APTX: variants seen among roughly 807,000 people sequenced by gnomAD.
The protein encoded by APTX is forkhead-associated domain histidine triad-like protein.
Under a neutral mutation model 42.3 loss-of-function variants are expected in APTX, and 33 were observed. The ratio of observed to expected loss-of-function variants is 0.78; its 90% confidence interval spans 0.59 to 1.04. The LOEUF (loss-of-function observed/expected upper bound fraction) is 1.04, where lower values mean the gene tolerates loss of function less well. APTX is among the 50% of genes least tolerant of loss of function. The pLI is 0.00. For synonymous variants in APTX, 130 were observed against 146.7 expected (o/e 0.89, Z 0.82); for missense variants, 421 against 415.1 (o/e 1.01, Z -0.12).
At chr9:32,994,245 A>T (rs2118976782) in intron 1 of APTX, among the ~76,000 whole-genome samples, 1 of 152,368 alleles carries the variant, frequency 6.6e-6, no homozygotes, top group East Asian at 1.9e-4. Context: ...TGTAGCTAGT[A>T]CAACAGAGAA....
chr9:32,972,902 G>A lies in APTX; in HGVS notation c.*596C>T, dbSNP rs1040449763. On this transcript the variant is annotated 3_prime_UTR_variant, in exon 8 of 8. Transcript: ENST00000379817. The stretch of plus-strand genomic sequence containing the variant: ...CTCCAACCCCCCACACCATCATCTA[G>A]CCTCTTTTCTCACTGTGAAGAACTG... The A allele has an allele frequency of 2.2e-6, 1 of 453,960 alleles. No homozygotes were observed. Among genetic ancestry groups the A allele is most frequent in the Non-Finnish European group, 4.4e-6 (1 of 226,784 alleles). The allele number at this position is 453,960 out of a possible 1,614,324, so 28.1% of individuals were successfully genotyped here. A position where few individuals can be genotyped will look rare whatever the true frequency, so the allele number is the denominator to read the frequency against.
intron 1 of APTX, among the ~76,000 whole-genome samples, chr9:33,020,536 A>C (rs1838289801): frequency 6.6e-6 from 1 of 152,234 alleles, no homozygotes; most frequent in Admixed American, 6.5e-5. Context: ...AAATGTAATC[A>C]AATCAGCTCT....
At chr9:33,022,970 G>T (rs997519754) in intron 1 of APTX, among the ~76,000 whole-genome samples, 2 of 152,082 alleles carry the variant, frequency 1.3e-5, no homozygotes, top group African/African-American at 4.8e-5. Context: ...CCAAGTAGCT[G>T]GGAGTACAGG....
Position 32,984,783 on chromosome 9 carries a change from C to A in APTX, c.618G>T (p.Pro206=), listed in dbSNP as rs140355580. ...PKARYHWLVL[P]WTSISSLKAV... ...CCTTCAGACTGGAAATGGAGGTCCA[C>A]GGTAAGACCAGCCAATGGTAACGGG... Residue 206 remains proline, a synonymous_variant, in exon 6 of 8, where the codon CCG becomes CCT. Transcript: ENST00000379817. 77 of 1,614,194 alleles carry A rather than the reference C, an allele frequency of 4.8e-5. No homozygotes were observed. In the African/African-American group the frequency reaches 8.7e-4, roughly 18 times the overall value.
intron 1 of APTX, among the ~76,000 whole-genome samples, chr9:33,015,693 C>T (rs1373386946): frequency 6.6e-6 from 1 of 152,120 alleles, no homozygotes; most frequent in Non-Finnish European, 1.5e-5. Context: ...CTGAGAATGC[C>T]ACAATACACC....
chr9:32,994,045 T>A (rs1032547195), intron 1 of APTX, among the ~76,000 whole-genome samples: 25 of 152,126 alleles, frequency 1.6e-4, no homozygotes, highest in Admixed American at 6.5e-5. Context: ...ATTCTAGAGT[T>A]GAGGGGATCC....
chr9:33,019,837 CA>C (rs1838226011), intron 1 of APTX: 1 of 643,352 alleles, frequency 1.6e-6, no homozygotes, highest in Admixed American at 2.6e-5. Context: ...TCCTGCCGCT[CA>C]CTGTGAGATC....
chr9:32,983,226 T>C (rs570874733), intron 6 of APTX, among the ~76,000 whole-genome samples: 40 of 152,212 alleles, frequency 2.6e-4, no homozygotes, highest in South Asian at 1.7e-3. Flanking sequence ...ATAACACACA[T>C]GAATCTCAAA....
At chr9:33,019,792 G>GC (rs1838221399) in intron 1 of APTX, 1 of 612,728 alleles carries the variant, frequency 1.6e-6, no homozygotes, top group Admixed American at 3.2e-5. Context: ...TTCGGAGCAG[G>GC]CAACAGTCTT....
chr9:32,975,106 G>A (rs1013539469), intron 6 of APTX, among the ~76,000 whole-genome samples: 1 of 152,068 alleles, frequency 6.6e-6, no homozygotes, highest in Non-Finnish European at 1.5e-5. Context: ...GCCCTGAGAT[G>A]AGGAAAAGCT....
At chr9:32,991,641 G>T (rs1563975883) in intron 1 of APTX, among the ~76,000 whole-genome samples, 2 of 152,022 alleles carry the variant, frequency 1.3e-5, no homozygotes, top group Non-Finnish European at 2.9e-5. Flanking sequence ...AATTAGCCAG[G>T]TGTGGTGGCA....
At chr9:32,995,331 A>AT (rs1834572166) in intron 1 of APTX, among the ~76,000 whole-genome samples, 1 of 152,230 alleles carries the variant, frequency 6.6e-6, no homozygotes, top group African/African-American at 2.4e-5. Context: ...AAATATTAAC[A>AT]TAAACAGGAG....
Position 32,987,582 on chromosome 9 carries a change from C to G in APTX, c.445G>C (p.Val149Leu). ...GCATCTTTTCCCTTCTTTAGGGGCA[C>G]AGAGCATTGGCCAGAGTTGCTCCCA... ...EPGSNSGQCS[V>L]PLKKGKDAPI... The change falls in exon 4 of 8, where the codon GTG becomes CTG. Residue 149 changes from valine (V) to leucine (L), a missense_variant. Transcript: ENST00000379817. 6.2e-7 allele frequency: 1 copy of G among 1,614,118 alleles called. No homozygotes were observed. Among genetic ancestry groups the G allele is most frequent in the Non-Finnish European group, 8.5e-7 (1 of 1,180,046 alleles).
upstream of APTX, among the ~76,000 whole-genome samples, chr9:33,002,531 G>C (rs1836732365): frequency 6.6e-6 from 1 of 152,030 alleles, no homozygotes; most frequent in Non-Finnish European, 1.5e-5. Flanking sequence ...AATCCTGTTA[G>C]GTATATTTAG....
In APTX at chr9:32,973,070, T is replaced by C. The variant is rs758547802; in HGVS notation, c.*428A>G. On this transcript the variant is annotated 3_prime_UTR_variant, in exon 8 of 8. Transcript: ENST00000379817. ...TAACAGAAAACAAGACCCATCAGTA[T>C]CTTCAGGATAAACAAGAGGCCACTC... The C allele has an allele frequency of 2.2e-6, 1 of 455,066 alleles. No individual in the cohort carries two copies. The highest frequency in any genetic ancestry group is 1.6e-5 in the South Asian group (1 of 64,490). 28.2% of individuals were successfully genotyped at this position (455,066 alleles called of 1,614,324 possible).
chr9:33,000,469 A>T (rs1042047130), intron 1 of APTX, among the ~76,000 whole-genome samples: 13 of 151,968 alleles, frequency 8.6e-5, no homozygotes, highest in Non-Finnish European at 4.4e-5. Flanking sequence ...TCTACTAAAA[A>T]TACAAAAAAT....
intron 1 of APTX, among the ~76,000 whole-genome samples, chr9:32,996,203 C>T (rs1177034809): frequency 6.6e-6 from 1 of 151,934 alleles, no homozygotes; most frequent in South Asian, 2.1e-4. Context: ...GAACCAAACC[C>T]ACGTCTCTGA....
At chr9:33,001,325 G>C in intron 1 of APTX, 1 of 1,521,214 alleles carries the variant, frequency 6.6e-7, no homozygotes, top group Non-Finnish European at 8.8e-7. Flanking sequence ...TGCGACCAAG[G>C]TACATACAGG....
At chr9:33,013,027 G>A (rs999262623) in intron 1 of APTX, among the ~76,000 whole-genome samples, 4 of 152,176 alleles carry the variant, frequency 2.6e-5, no homozygotes, top group African/African-American at 4.8e-5. Flanking sequence ...TTGTTTTACT[G>A]ACCTAGAAAA....
Sources: allele counts gnomAD v4.1 joint callset (sites outside exome capture counted in the v4.1 genomes callset), GRCh38; gene constraint gnomAD v4.1.1; transcripts MANE v1.5; gene names NCBI Gene and HGNC (gene_info 2026-07-23, HGNC 2026-07-21).